Variants in MALRD1 observed in about 807,000 individuals in gnomAD.
The protein encoded by MALRD1 is MAM and LDL-receptor class A domain-containing protein 1.
Under a neutral mutation model 242.1 loss-of-function variants are expected in MALRD1, and 247 were observed. The ratio of observed to expected loss-of-function variants is 1.02; its 90% CI spans 0.92 to 1.13. The LOEUF (loss-of-function observed/expected upper bound fraction) is 1.13. Ranked by LOEUF, MALRD1 falls within the 50% of genes most tolerant of loss-of-function variation. The pLI is 0.00. For synonymous variants in MALRD1, 995 were observed against 866.6 expected (o/e 1.15, Z -2.60); for missense variants, 2,989 against 2,533.1 (o/e 1.18, Z -3.86).
intron 9 of MALRD1, among the ~76,000 whole-genome samples, chr10:19,134,235 A>AAATTGCATT (rs1483343317): frequency 3.3e-5 from 5 of 152,204 alleles, no homozygotes. Context: ...CCAGGGAAAC[A>AAATTGCATT]AATTGCATTA....
chr10:19,679,776 G>T (rs1041775187), intron 36 of MALRD1, among the ~76,000 whole-genome samples: 1 of 151,804 alleles, frequency 6.6e-6, no homozygotes, highest in Non-Finnish European at 1.5e-5. Context: ...TGAGCTTTTC[G>T]ATGTGGGGAT....
At chr10:19,272,443 G>A (rs1840293745) in intron 19 of MALRD1, among the ~76,000 whole-genome samples, 1 of 152,024 alleles carries the variant, frequency 6.6e-6, no homozygotes, top group Non-Finnish European at 1.5e-5. Context: ...TGAACCATCA[G>A]TTATAAGCCA....
intron 1 of MALRD1, chr10:19,052,035 A>C: frequency 2.8e-6 from 1 of 355,940 alleles, no homozygotes; most frequent in African/African-American, 2.2e-5. Flanking sequence ...TGTAAGAAAA[A>C]TTAATATGAA....
At chr10:19,315,014 TATAAA>T (rs1842586483) in intron 21 of MALRD1, among the ~76,000 whole-genome samples, 1 of 144,530 alleles carries the variant, frequency 6.9e-6, no homozygotes, top group South Asian at 2.1e-4. Flanking sequence ...ATATAATTTA[TATAAA>T]TATATAAATA....
chr10:19,068,309 CT>C (rs991611129), intron 2 of MALRD1, among the ~76,000 whole-genome samples: 2 of 151,856 alleles, frequency 1.3e-5, no homozygotes, highest in Non-Finnish European at 2.9e-5. Context: ...GCCATTTTCC[CT>C]CGTTTTTTTT....
intron 29 of MALRD1, among the ~76,000 whole-genome samples, chr10:19,487,302 A>G (rs1195714873): frequency 6.6e-6 from 1 of 152,100 alleles, no homozygotes; most frequent in African/African-American, 2.4e-5. Context: ...TTTCATTAAA[A>G]AAATCTATCT....
intron 36 of MALRD1, among the ~76,000 whole-genome samples, chr10:19,643,566 G>A (rs773463284): frequency 1.1e-4 from 16 of 152,018 alleles, no homozygotes; most frequent in Admixed American, 9.8e-4. Context: ...TATAATAGAC[G>A]CTCATATTAA....
At chr10:19,116,491 G>T (rs540623808) in intron 5 of MALRD1, among the ~76,000 whole-genome samples, 10 of 152,276 alleles carry the variant, frequency 6.6e-5, no homozygotes, top group African/African-American at 2.4e-4. Flanking sequence ...TACAAATAAG[G>T]ATAACTGACA....
chr10:19,552,382 A>T (rs1348604795), intron 32 of MALRD1, among the ~76,000 whole-genome samples: 1 of 152,042 alleles, frequency 6.6e-6, no homozygotes, highest in African/African-American at 2.4e-5. Flanking sequence ...ATATTCTCTG[A>T]TGGTTGTTTG....
At chr10:19,574,969 T>C (rs1004552075) in intron 33 of MALRD1, among the ~76,000 whole-genome samples, 2 of 152,206 alleles carry the variant, frequency 1.3e-5, no homozygotes, top group African/African-American at 4.8e-5. Context: ...TCAATACTTG[T>C]TGAAAATCTA....
At chr10:19,067,088 T>G (rs1188997497) in intron 2 of MALRD1, among the ~76,000 whole-genome samples, 1 of 152,194 alleles carries the variant, frequency 6.6e-6, no homozygotes, top group African/African-American at 2.4e-5. Context: ...TCACATCAGA[T>G]TCTCATAATT....
At position 19,155,171 on chromosome 10, in the gene MALRD1, AGGTAATCAAC is replaced by A; in HGVS notation, c.1656_1656+9del. 1 of 1,230,806 alleles carries A rather than the reference AGGTAATCAAC, an allele frequency of 8.1e-7. No individual in the cohort carries two copies. Among genetic ancestry groups the A allele is most frequent in the Non-Finnish European group, 1.0e-6 (1 of 987,198 alleles). 76.2% of individuals were successfully genotyped at this position (1,230,806 alleles called of 1,614,324 possible). On this transcript the variant is annotated splice_donor_variant and splice_donor_5th_base_variant and coding_sequence_variant and intron_variant, in exon 12 of 40. Coordinates refer to ENST00000454679, the MANE Select transcript of MALRD1 (RefSeq NM_001142308.3). LOFTEE classifies it high-confidence loss of function. ...TTGCTCACTGCCTCTACCCCATGTCAGGTAATCAACTGTTCTGAATTTCCACTGGCCATTC... is the reference window on the plus strand; with the variant it reads ...TTGCTCACTGCCTCTACCCCATGTCATGTTCTGAATTTCCACTGGCCATTC...
At chr10:19,228,069 G>A (rs571640312) in intron 18 of MALRD1, among the ~76,000 whole-genome samples, 3 of 152,232 alleles carry the variant, frequency 2.0e-5, no homozygotes, top group South Asian at 4.1e-4. Context: ...GTTAAACTTA[G>A]TACTGATCAT....
intron 36 of MALRD1, among the ~76,000 whole-genome samples, chr10:19,685,413 A>C (rs570375411): frequency 1.3e-5 from 2 of 152,342 alleles, no homozygotes; most frequent in South Asian, 2.1e-4. Flanking sequence ...TTTTATGAAC[A>C]CAGGATTATT....
chr10:19,354,638 T>C (rs1844542694), intron 26 of MALRD1, among the ~76,000 whole-genome samples: 1 of 152,146 alleles, frequency 6.6e-6, no homozygotes, highest in African/African-American at 2.4e-5. Flanking sequence ...TCTCTCTGCC[T>C]GGCTTATTTC....
chr10:19,731,802 A>G (rs1045882171), intron 39 of MALRD1, among the ~76,000 whole-genome samples: 6 of 152,224 alleles, frequency 3.9e-5, no homozygotes, highest in African/African-American at 1.4e-4. Context: ...TTCACTCCTT[A>G]TAAAATGAGT....
At chr10:19,467,632 C>G (rs990128301) in intron 29 of MALRD1, among the ~76,000 whole-genome samples, 1 of 151,350 alleles carries the variant, frequency 6.6e-6, no homozygotes, top group Non-Finnish European at 1.5e-5. Context: ...TATGTAAATG[C>G]CCTTGAACCA....
chr10:19,457,730 G>T (rs971031931), intron 29 of MALRD1, among the ~76,000 whole-genome samples: 2 of 148,166 alleles, frequency 1.3e-5, no homozygotes, highest in Non-Finnish European at 3.0e-5. Flanking sequence ...GAAATGTTTG[G>T]CATTATCTAG....
Position 19,705,642 on chromosome 10 carries a change from T to TTCC in MALRD1, c.6314+13109_6314+13111dup, listed in dbSNP as rs151069981. Among the ~76,000 whole-genome samples, 279 of 151,474 alleles carry TTCC rather than the reference T, an allele frequency of 1.8e-3. 2 individuals carry two copies. Among genetic ancestry groups the TTCC allele is most frequent in the Non-Finnish European group, 1.0e-3 (68 of 67,834 alleles). On this transcript the variant is annotated intron_variant, in intron 38 of 39. Coordinates refer to ENST00000454679, the MANE Select transcript of MALRD1 (RefSeq NM_001142308.3). ...AAACAGGGTTAGGCCACCAGCATGA[T>TTCC]TCCTCCTCCTCCTCCTCCTCCTCTT...
Sources: allele counts gnomAD v4.1 joint callset (sites outside exome capture counted in the v4.1 genomes callset), GRCh38; gene constraint gnomAD v4.1.1; transcripts MANE v1.5; gene names NCBI Gene and HGNC (gene_info 2026-07-23, HGNC 2026-07-21).